KIF20B: variants seen among roughly 807,000 people sequenced by gnomAD.
The protein encoded by KIF20B is kinesin-like protein KIF20B.
Under a neutral mutation model 232.5 loss-of-function variants are expected in KIF20B, and 188 were observed. That is an observed-to-expected ratio of 0.81 (90% CI 0.72 to 0.91). The LOEUF (loss-of-function observed/expected upper bound fraction) is 0.91. KIF20B is among the 40% of genes least tolerant of loss of function. The pLI is 0.00. For missense variants in KIF20B, 2,154 were observed against 2,055.9 expected, an observed-to-expected ratio of 1.05 and a Z score of -0.92; for synonymous variants, 712 against 683.0, an observed-to-expected ratio of 1.04 and a Z score of -0.66.
At position 89,745,927 on chromosome 10, in the gene KIF20B, A is replaced by G; in HGVS notation, c.4064A>G (p.Glu1355Gly). 6.2e-7 allele frequency: 1 copy of G among 1,611,258 alleles called. No homozygotes were observed. Among genetic ancestry groups the G allele is most frequent in the Non-Finnish European group, 8.5e-7 (1 of 1,177,364 alleles). The change falls in exon 23 of 33, where the codon GAA (glutamate) becomes GGA (glycine). Residue 1355 changes from glutamate (E) to glycine (G), a missense_variant. Physicochemically the swap from Glu to Gly is moderately conservative, Grantham distance 98. Coordinates refer to ENST00000371728, the MANE Select transcript of KIF20B (RefSeq NM_001284259.2). ...CAGTTAAATAATCAGAAAGTGGAAG[A>G]AGCTATACAACAGTATGAGAGAGCA... The part of the protein sequence containing the change: ...KEQLNNQKVE[E>G]AIQQYERACK...
chr10:89,735,376 A>G (rs1470912918), intron 19 of KIF20B, among the ~76,000 whole-genome samples: 2 of 152,138 alleles, frequency 1.3e-5, no homozygotes, highest in Non-Finnish European at 2.9e-5. Context: ...GGAGTCTGCC[A>G]TCAAGGAGCT....
At chr10:89,709,550 T>C (rs1408003366) in intron 4 of KIF20B, 89 bp downstream of exon 4, 1 of 811,364 alleles carries the variant, frequency 1.2e-6, no homozygotes, top group Non-Finnish European at 2.0e-6. Context: ...TAATGAACTA[T>C]ACATTTTATG....
chr10:89,709,961 T>G lies in KIF20B; in HGVS notation c.386T>G (p.Phe129Cys), dbSNP rs1842803943. The G allele has an allele frequency of 1.2e-6, 2 of 1,602,564 alleles. No homozygotes were observed. Among genetic ancestry groups the G allele is most frequent in the African/African-American group, 2.7e-5 (2 of 74,136 alleles). ...FGPATTQKEFFQGCIMQPVKD... is the reference protein window; with the variant it reads ...FGPATTQKEFCQGCIMQPVKD... ...CCAGCAACTACACAGAAGGAATTCT[T>G]TCAGGGTTGCATTATGCAACCAGTA... Residue 129 changes from phenylalanine (F) to cysteine (C), a missense_variant, in exon 5 of 33, where the codon TTT becomes TGT. Transcript: ENST00000371728.
intron 1 of KIF20B, 98 bp downstream of exon 1, chr10:89,701,778 G>A (rs1462018692): frequency 1.3e-5 from 2 of 152,242 alleles, no homozygotes; most frequent in Non-Finnish European, 1.5e-5. Context: ...ATGTGGACAT[G>A]TTCCGACAGG....
rs763618181 is a variant in KIF20B, at chr10:89,752,728, C to CT, written c.4347+38dup. On this transcript the variant is annotated intron_variant, in intron 25 of 32. Transcript: ENST00000371728. ...TGTATGTTTTTATGTATGAATGTAT[C>CT]TGTCTTCATTATATTTCTAATAAGA... 5 of 1,404,690 alleles carry CT rather than the reference C, an allele frequency of 3.6e-6. No homozygotes were observed. The South Asian group carries it at 7.8e-5, about 22-fold the overall frequency. 87.0% of individuals were successfully genotyped at this position (1,404,690 alleles called of 1,614,324 possible).
At chr10:89,733,265 T>C (rs1843369444) in intron 19 of KIF20B, 9 of 456,808 alleles carry the variant, frequency 2.0e-5, no homozygotes. Flanking sequence ...TTTTAGAAAT[T>C]GTGCTTTTAT....
In KIF20B at chr10:89,738,025, G is replaced by A; in HGVS notation, c.3184G>A (p.Glu1062Lys). 3.1e-6 allele frequency: 5 copies of A among 1,613,414 alleles called. No homozygotes were observed. The East Asian group carries it at 1.1e-4, about 36-fold the overall frequency. Residue 1062 changes from glutamate (E) to lysine (K), a missense_variant, in exon 20 of 33, where the codon GAA becomes AAA. Transcript: ENST00000371728. ...CCACTCTAGTATTGAAGCTATTTGG[G>A]AAGAATGTAAAGAGATTGTGAAGGC... is the stretch of plus-strand genomic sequence containing the variant. ...SFHSSIEAIW[E>K]ECKEIVKASS...
Position 89,711,073 on chromosome 10 carries a change from C to A in KIF20B, c.603C>A (p.Tyr201Ter). 1 of 1,604,066 alleles carries A rather than the reference C, an allele frequency of 6.2e-7. No homozygotes were observed. Among genetic ancestry groups the A allele is most frequent in the Non-Finnish European group, 8.5e-7 (1 of 1,174,058 alleles). ...TTAAACCACATAGATCCAGAGAATA[C>A]TTAAGGTTATCATCAGAACAAGAGA... ...MNLKPHRSRE[Y>*]LRLSSEQEKE... The change falls in exon 6 of 33, where the codon TAC becomes TAA. Residue 201 changes from tyrosine to a stop codon, truncating the protein, a stop_gained. Coordinates refer to ENST00000371728, the MANE Select transcript of KIF20B (RefSeq NM_001284259.2). LOFTEE classifies it high-confidence loss of function.
At chr10:89,738,810 T>A in intron 20 of KIF20B, 148 bp from the exon 21 acceptor site, 2 of 1,147,408 alleles carry the variant, frequency 1.7e-6, no homozygotes, top group Non-Finnish European at 2.4e-6. Flanking sequence ...AAAAATCATA[T>A]GAAATATTTT....
intron 1 of KIF20B, among the ~76,000 whole-genome samples, chr10:89,702,082 A>G (rs907376286): frequency 6.6e-6 from 1 of 152,044 alleles, no homozygotes; most frequent in East Asian, 1.9e-4. Flanking sequence ...GTTTGCAGTT[A>G]TTAATATTAT....
chr10:89,736,631 T>TAC (rs1222659200), intron 19 of KIF20B, among the ~76,000 whole-genome samples: 6 of 152,134 alleles, frequency 3.9e-5, no homozygotes, highest in Admixed American at 1.3e-4. Flanking sequence ...TCTAGCAATA[T>TAC]ACATATTAAG....
intron 31 of KIF20B, 119 bp from the exon 32 acceptor site, chr10:89,772,570 T>C: frequency 1.7e-6 from 1 of 593,246 alleles, no homozygotes; most frequent in East Asian, 3.0e-5. Flanking sequence ...TTGCAGTGTT[T>C]TTAGTTTGTG....
intron 19 of KIF20B, among the ~76,000 whole-genome samples, chr10:89,735,827 C>T (rs560038517): frequency 1.3e-5 from 2 of 152,244 alleles, no homozygotes; most frequent in East Asian, 1.9e-4. Context: ...CGTGAGCCAC[C>T]GTGCCCGGCC....
chr10:89,722,312 C>T (rs1326832646), intron 13 of KIF20B, among the ~76,000 whole-genome samples: 1 of 152,116 alleles, frequency 6.6e-6, no homozygotes. Context: ...TAATAGCCAG[C>T]CTAAATTTTT....
intron 21 of KIF20B, among the ~76,000 whole-genome samples, chr10:89,742,846 C>T (rs1018239922): frequency 6.6e-6 from 1 of 151,828 alleles, no homozygotes; most frequent in African/African-American, 2.4e-5. Flanking sequence ...ACTACAGGCA[C>T]GTGCCACCAT....
chr10:89,754,661 A>G lies in KIF20B; in HGVS notation c.4491A>G (p.Gln1497=). 2 of 1,569,552 alleles carry G rather than the reference A, an allele frequency of 1.3e-6. No homozygotes were observed. The highest frequency in any genetic ancestry group is 2.3e-5 in the East Asian group (1 of 43,206). Residue 1497 remains glutamine (Q), a synonymous_variant, in exon 26 of 33, where the codon CAA becomes CAG. Coordinates refer to ENST00000371728, the MANE Select transcript of KIF20B (RefSeq NM_001284259.2). ...YAEDRERFFK[Q]QNEMEILTAQ... ...AGGACAGGGAGCGTTTTTTTAAGCAACAGAATGAAATGGTTAGTAACAATT... is the reference window on the plus strand; with the variant it reads ...AGGACAGGGAGCGTTTTTTTAAGCAGCAGAATGAAATGGTTAGTAACAATT...
At chr10:89,756,652 CT>C (rs1842124242) in intron 26 of KIF20B, among the ~76,000 whole-genome samples, 1 of 152,172 alleles carries the variant, frequency 6.6e-6, no homozygotes, top group East Asian at 1.9e-4. Flanking sequence ...GAAGAGAACA[CT>C]GTTCCACCCC....
chr10:89,725,108 ACT>A lies in KIF20B; in HGVS notation c.1953_1954del (p.Glu653ArgfsTer12). ...IFKDLVGKCD[T>X]REEAAKDICA... ...CAAGGATTTGGTTGGTAAATGTGAC[ACT>A]CGAGAAGAAGCAGCGAAAGACATTT... is the stretch of plus-strand genomic sequence containing the variant. On this transcript the variant is annotated frameshift_variant, in exon 15 of 33. Coordinates refer to ENST00000371728, the MANE Select transcript of KIF20B (RefSeq NM_001284259.2). LOFTEE classifies it high-confidence loss of function. 1 of 1,613,988 alleles carries A rather than the reference ACT, an allele frequency of 6.2e-7. No homozygotes were observed. Among genetic ancestry groups the A allele is most frequent in the Non-Finnish European group, 8.5e-7 (1 of 1,179,912 alleles).
intron 6 of KIF20B, among the ~76,000 whole-genome samples, chr10:89,713,438 TA>T (rs34298097): frequency 0.31 from 47,205 of 150,868 alleles, 8,366 homozygotes; most frequent in African/African-American, 0.47. Flanking sequence ...ATTAAAATGT[TA>T]AAAAAAAATG....
Sources: allele counts gnomAD v4.1 joint callset (sites outside exome capture counted in the v4.1 genomes callset), GRCh38; gene constraint gnomAD v4.1.1; transcripts MANE v1.5; gene names NCBI Gene and HGNC (gene_info 2026-07-23, HGNC 2026-07-21).